The following CHERP variants were observed in gnomAD, a reference collection of about 807,000 sequenced individuals.
CHERP encodes ERPROT 213-21.
In CHERP, 8 loss-of-function variants were observed where a neutral mutation model predicts 113.8. The ratio of observed to expected loss-of-function variants is 0.07; its 90% CI spans 0.04 to 0.13. The LOEUF (loss-of-function observed/expected upper bound fraction) is 0.13. Among genes scored for constraint, CHERP ranks in the 10% least tolerant of loss-of-function variants. The pLI, the probability that CHERP is intolerant of heterozygous loss-of-function variation, is 1.00. For missense variants in CHERP, 884 were observed against 1,298.2 expected (o/e 0.68, Z 4.90); for synonymous variants, 559 against 524.5 (o/e 1.07, Z -0.90).
In CHERP at chr19:16,518,426, A is replaced by T. The variant is rs942651956; in HGVS notation, c.*733T>A. ...TTCCTGTTAGAATCTTGTTTCCCAG[A>T]TAACAGCAAATGGCTACATTCCAGA... On this transcript the variant is annotated 3_prime_UTR_variant, in exon 17 of 17. Coordinates refer to ENST00000546361, the MANE Select transcript of CHERP (RefSeq NM_006387.6). The T allele has an allele frequency of 6.6e-6, 1 of 152,172 alleles. No individual in the cohort carries two copies. Among genetic ancestry groups the T allele is most frequent in the South Asian group, 2.1e-4 (1 of 4,832 alleles). The allele number at this position is 152,172 out of a possible 1,614,324, so 9.4% of individuals were successfully genotyped here. A position where few individuals can be genotyped will look rare whatever the true frequency, so the allele number is the denominator to read the frequency against.
Position 16,532,711 on chromosome 19 carries a change from C to T in CHERP, c.561G>A (p.Pro187=), listed in dbSNP as rs369184345. Residue 187 remains proline, a synonymous_variant, in exon 5 of 17, where the codon CCG becomes CCA. Coordinates refer to ENST00000546361, the MANE Select transcript of CHERP (RefSeq NM_006387.6). This position sits in a 1 kb window ranked among gnomAD's most constrained non-coding sequence, Gnocchi z 4.4. The part of the protein sequence containing the change: ...KNWMFSNAKS[P]PHCELMAGHL... ...GGCCGGCCATCAGCTCACAGTGCGGCGGGGACTTGGCATTGCTGAACATCC... is the reference window on the plus strand; with the variant it reads ...GGCCGGCCATCAGCTCACAGTGCGGTGGGGACTTGGCATTGCTGAACATCC... 25 of 1,613,126 alleles carry T rather than the reference C, an allele frequency of 1.5e-5. No individual in the cohort carries two copies. Among genetic ancestry groups the T allele is most frequent in the East Asian group, 8.9e-5 (4 of 44,870 alleles).
At chr19:16,536,565 C>A (rs570501208) in intron 2 of CHERP, among the ~76,000 whole-genome samples, 1 of 152,308 alleles carries the variant, frequency 6.6e-6, no homozygotes, top group African/African-American at 2.4e-5. Flanking sequence ...TGACTGTGCC[C>A]TCCAGTTTGT....
intron 5 of CHERP, among the ~76,000 whole-genome samples, chr19:16,531,430 C>T (rs2085703562): frequency 6.6e-6 from 1 of 152,104 alleles, no homozygotes; most frequent in Non-Finnish European, 1.5e-5. Context: ...GGCTGCTGTG[C>T]AGTGCTGCAC....
chr19:16,542,178 G>A, intron 1 of CHERP, 135 bp from the exon 2 acceptor site: 1 of 1,136,152 alleles, frequency 8.8e-7, no homozygotes, highest in South Asian at 1.7e-5. Context: ...CCTTGTACGG[G>A]TCCCGATAGG....
intron 11 of CHERP, 81 bp downstream of exon 11, chr19:16,522,971 C>A: frequency 6.9e-7 from 1 of 1,439,816 alleles, no homozygotes. Context: ...GCACCCGGTC[C>A]CGTGCATTCA....
Position 16,535,341 on chromosome 19 carries a change from A to AG in CHERP, c.384+110dup, listed in dbSNP as rs1006344017. 5.2e-5 allele frequency: 61 copies of AG among 1,178,672 alleles called. No individual in the cohort carries two copies. Among genetic ancestry groups the AG allele is most frequent in the African/African-American group, 3.5e-4 (23 of 65,826 alleles). 73.0% of individuals were successfully genotyped at this position (1,178,672 alleles called of 1,614,324 possible). A position where few individuals can be genotyped will look rare whatever the true frequency, so the allele number is the denominator to read the frequency against. ...TGACATGCACCGAGCCCTGGGTGGCAGGGGGGGCCCTGTCCTCACTGACAC... is the reference window on the plus strand; with the variant it reads ...TGACATGCACCGAGCCCTGGGTGGCAGGGGGGGGCCCTGTCCTCACTGACAC... On this transcript the variant is annotated intron_variant, in intron 3 of 16. Coordinates refer to ENST00000546361, the MANE Select transcript of CHERP (RefSeq NM_006387.6). This position sits in a 1 kb window ranked among gnomAD's most constrained non-coding sequence, Gnocchi z 4.3.
rs1389537590 is a variant in CHERP at position 16,523,991 on chromosome 19, C to T, written c.1742-701G>A. Reference sequence around the variant, plus strand: ...AGAAGGCTGGGCATGGTGGCTCACGCCTGTAATCTCAGCACTTTGGGAGGC... The same window carrying T: ...AGAAGGCTGGGCATGGTGGCTCACGTCTGTAATCTCAGCACTTTGGGAGGC... On this transcript the variant is annotated intron_variant, in intron 10 of 16. Coordinates refer to ENST00000546361, the MANE Select transcript of CHERP (RefSeq NM_006387.6). This position sits in a 1 kb window ranked among gnomAD's most constrained non-coding sequence, Gnocchi z 4.0. 6.6e-6 allele frequency among the ~76,000 whole-genome samples: 1 copy of T among 152,098 alleles called. No individual in the cohort carries two copies. Among genetic ancestry groups the T allele is most frequent in the Non-Finnish European group, 1.5e-5 (1 of 68,018 alleles).
Position 16,541,998 on chromosome 19 carries a change from G to C in CHERP, c.71C>G (p.Ala24Gly), listed in dbSNP as rs1327621491. Residue 24 changes from alanine to glycine, a missense_variant, in exon 2 of 17, where the codon GCT (alanine) becomes GGT (glycine). Around this residue, in one of 8 missense-constraint regions of CHERP, gnomAD observed 17 missense variants for 50.8 expected, o/e 0.33. Coordinates refer to ENST00000546361, the MANE Select transcript of CHERP (RefSeq NM_006387.6). ...NVIDKLAQFV[A>G]RNGPEFEKMT... ...CTTCTCAAACTCGGGCCCATTGCGA[G>C]CCACGAACTGGGCGAGCTTGTCGAT... is the stretch of plus-strand genomic sequence containing the variant. The C allele has an allele frequency of 6.2e-7, 1 of 1,614,010 alleles. No individual in the cohort carries two copies.
At chr19:16,541,703 C>A in intron 2 of CHERP, 167 bp downstream of exon 2, 1 of 672,132 alleles carries the variant, frequency 1.5e-6, no homozygotes, top group Non-Finnish European at 2.4e-6. Context: ...ACCCAGCAGC[C>A]GCTCTGTGCA....
rs1268991760 is a variant in CHERP at position 16,521,658 on chromosome 19, C to T, written c.1981-4G>A. 3 of 1,570,000 alleles carry T rather than the reference C, an allele frequency of 1.9e-6. No homozygotes were observed. The highest frequency in any genetic ancestry group is 2.6e-6 in the Non-Finnish European group (3 of 1,154,888). Reference sequence around the variant, plus strand: ...GCTTGTACTCGTGATCTTCCAGCTGCAGCAGAGAACCCCAGCTGTCACCAT... The same window carrying T: ...GCTTGTACTCGTGATCTTCCAGCTGTAGCAGAGAACCCCAGCTGTCACCAT... On this transcript the variant is annotated splice_polypyrimidine_tract_variant and splice_region_variant and intron_variant, in intron 11 of 16. Transcript: ENST00000546361.
Position 16,530,720 on chromosome 19 carries a change from G to A in CHERP, c.787-46C>T, listed in dbSNP as rs542010850. The A allele has an allele frequency of 1.9e-6, 3 of 1,614,012 alleles. No homozygotes were observed. The highest frequency in any genetic ancestry group is 4.5e-5 in the East Asian group (2 of 44,876). On this transcript the variant is annotated intron_variant, in intron 6 of 16. Coordinates refer to ENST00000546361, the MANE Select transcript of CHERP (RefSeq NM_006387.6). The surrounding 1 kb of genome is among the most constrained non-coding windows in gnomAD (Gnocchi z 4.1). Reference sequence around the variant, plus strand: ...AGGCCGGGTCAGTGGGGAGGGGAAAGGCCTGTGTGTCCCGGTCTTGCCCAA... The same window carrying A: ...AGGCCGGGTCAGTGGGGAGGGGAAAAGCCTGTGTGTCCCGGTCTTGCCCAA...
intron 9 of CHERP, among the ~76,000 whole-genome samples, chr19:16,527,527 G>T (rs1456721813): frequency 1.3e-5 from 2 of 152,224 alleles, no homozygotes; most frequent in Non-Finnish European, 2.9e-5. Flanking sequence ...AAGACCCGGG[G>T]CTGTGCCTCA....
intron 12 of CHERP, chr19:16,521,228 AG>A: frequency 1.8e-6 from 1 of 571,316 alleles, no homozygotes; most frequent in Admixed American, 3.1e-5. Flanking sequence ...CACAGGAAGG[AG>A]GGGTGACCAC....
chr19:16,540,379 G>A (rs1359365998), intron 2 of CHERP, among the ~76,000 whole-genome samples: 1 of 130,150 alleles, frequency 7.7e-6, no homozygotes, highest in Non-Finnish European at 1.6e-5. Flanking sequence ...CTTTCAAGCT[G>A]CTTTTTTTTT....
At chr19:16,528,944 C>T (rs575036826) in intron 8 of CHERP, among the ~76,000 whole-genome samples, 18 of 152,300 alleles carry the variant, frequency 1.2e-4, no homozygotes, top group Non-Finnish European at 2.4e-4. Context: ...CAGAGCAAGA[C>T]TCCATCTCAA....
Position 16,529,643 on chromosome 19 carries a change from C to A in CHERP, c.1129+5G>T. 1 of 1,538,982 alleles carries A rather than the reference C, an allele frequency of 6.5e-7. No individual in the cohort carries two copies. ...GGGGCAGGCTGAGCTGAGGGAGCCC[C>A]GTACCAGGCTGGGTGGTGGGCGGGA... On this transcript the variant is annotated splice_donor_5th_base_variant and intron_variant, in intron 8 of 16. Coordinates refer to ENST00000546361, the MANE Select transcript of CHERP (RefSeq NM_006387.6).
Position 16,541,872 on chromosome 19 carries a change from T to G in CHERP, c.197A>C (p.Gln66Pro). 2 of 1,611,998 alleles carry G rather than the reference T, an allele frequency of 1.2e-6. No individual in the cohort carries two copies. Among genetic ancestry groups the G allele is most frequent in the Non-Finnish European group, 1.7e-6 (2 of 1,179,562 alleles). ...YKCKLALEQQ[Q>P]LICKQQTPEL... ...CCTGAGTGCCGGAGGGGACTCACGCTGCTGCTGCTCCAGCGCCAGCTTGCA... is the reference window on the plus strand; with the variant it reads ...CCTGAGTGCCGGAGGGGACTCACGCGGCTGCTGCTCCAGCGCCAGCTTGCA... Residue 66 changes from glutamine (Q) to proline (P), a missense_variant and splice_region_variant, in exon 2 of 17, where the codon CAG (glutamine) becomes CCG (proline). Around this residue, in one of 8 missense-constraint regions of CHERP, gnomAD observed 109 missense variants for 134.2 expected, o/e 0.81. Transcript: ENST00000546361.
In CHERP at chr19:16,517,913, T is replaced by C. The variant is rs547167877; in HGVS notation, c.*1246A>G. ...GAAAGGTCTTTAAAAAAAGGCTTTA[T>C]TTGAAGGCAAAACAATGAAATCCAC... On this transcript the variant is annotated 3_prime_UTR_variant, in exon 17 of 17. Transcript: ENST00000546361. The C allele has an allele frequency of 6.6e-6, 1 of 152,424 alleles. No homozygotes were observed. The highest frequency in any genetic ancestry group is 1.5e-5 in the Non-Finnish European group (1 of 68,102). 9.4% of individuals were successfully genotyped at this position (152,424 alleles called of 1,614,324 possible).
Position 16,525,438 on chromosome 19 carries a change from G to A in CHERP, c.1545C>T (p.Arg515=), listed in dbSNP as rs2085650760. The change falls in exon 10 of 17, where the codon CGC becomes CGT. Residue 515 remains arginine, a synonymous_variant. Coordinates refer to ENST00000546361, the MANE Select transcript of CHERP (RefSeq NM_006387.6). This position sits in a 1 kb window ranked among gnomAD's most constrained non-coding sequence, Gnocchi z 6.5. The part of the protein sequence containing the change: ...WGGGQREPPF[R]MQRPPHFRGP... The stretch of plus-strand genomic sequence containing the variant: ...CCCGGAAGTGTGGGGGCCGCTGCAT[G>A]CGGAAGGGTGGCTCGCGCTGGCCCC... 6.5e-7 allele frequency: 1 copy of A among 1,538,610 alleles called. No individual in the cohort carries two copies. The highest frequency in any genetic ancestry group is 8.8e-7 in the Non-Finnish European group (1 of 1,141,728).
Sources: allele counts gnomAD v4.1 joint callset (sites outside exome capture counted in the v4.1 genomes callset), GRCh38; gene constraint gnomAD v4.1.1; regional missense constraint gnomAD v4.1.1; non-coding constraint Gnocchi (gnomAD v3.1); transcripts MANE v1.5; gene names NCBI Gene and HGNC (gene_info 2026-07-23, HGNC 2026-07-21).